Variants in GGA3 observed in about 807,000 individuals in gnomAD.
GGA3 encodes the protein ADP-ribosylation factor-binding protein GGA3.
Under a neutral mutation model 77.5 loss-of-function variants are expected in GGA3, and 57 were observed. The observed-to-expected ratio is 0.74, with a 90% CI of 0.59 to 0.92. The LOEUF (loss-of-function observed/expected upper bound fraction) is 0.92, where lower values mean the gene tolerates loss of function less well. Among genes scored for constraint, GGA3 ranks in the 40% least tolerant of loss-of-function variants. The pLI, the probability that GGA3 is intolerant of heterozygous loss-of-function variation, is 0.00. For synonymous variants in GGA3, 416 were observed against 383.7 expected (o/e 1.08, Z -0.98); for missense variants, 970 against 914.9 (o/e 1.06, Z -0.78).
At chr17:75,252,208 G>C (rs1279865416) in intron 1 of GGA3, among the ~76,000 whole-genome samples, 1 of 151,910 alleles carries the variant, frequency 6.6e-6, no homozygotes, top group East Asian at 1.9e-4. Context: ...CTCCTGAGTA[G>C]CTGGGACCAC....
rs974177152 is a variant in GGA3 at position 75,238,023 on chromosome 17, CAG to C, written c.*254_*255del. 1.4e-5 allele frequency: 18 copies of C among 1,280,938 alleles called. No homozygotes were observed. The highest frequency in any genetic ancestry group is 1.5e-5 in the African/African-American group (1 of 65,638). 79.3% of individuals were successfully genotyped at this position (1,280,938 alleles called of 1,614,324 possible). ...CATGTTCCCGGGACAGCAGTGAAGTCAGGGGCCACTCCGCACCCCTGACAGCA... is the reference window on the plus strand; with the variant it reads ...CATGTTCCCGGGACAGCAGTGAAGTCGGGCCACTCCGCACCCCTGACAGCA... On this transcript the variant is annotated 3_prime_UTR_variant, in exon 17 of 17. Coordinates refer to ENST00000537686, the MANE Select transcript of GGA3 (RefSeq NM_138619.4).
intron 1 of GGA3, among the ~76,000 whole-genome samples, chr17:75,251,773 C>CT (rs112695506): frequency 0.056 from 8,164 of 146,798 alleles, 272 homozygotes; most frequent in Middle Eastern, 0.13. Context: ...TTTCTTCTTC[C>CT]TTTTTTTTTC....
Position 75,242,865 on chromosome 17 carries a change from T to G in GGA3, c.575A>C (p.Glu192Ala). 1 of 1,614,060 alleles carries G rather than the reference T, an allele frequency of 6.2e-7. No homozygotes were observed. The highest frequency in any genetic ancestry group is 8.5e-7 in the Non-Finnish European group (1 of 1,179,904). ...LKSKNPDDLQ[E>A]ANKLIKSMVK... is the part of the protein sequence containing the mutation. ...CATGGACTTGATGAGCTTGTTGGCC[T>G]CCTGCAGGTCATCTGGGTTTTTGCT... Residue 192 changes from glutamate to alanine, a missense_variant, in exon 7 of 17, where the codon GAG (glutamate) becomes GCG (alanine). Transcript: ENST00000537686.
chr17:75,253,333 C>T (rs916662483), intron 1 of GGA3, among the ~76,000 whole-genome samples: 4 of 152,188 alleles, frequency 2.6e-5, no homozygotes, highest in East Asian at 1.9e-4. Flanking sequence ...AAACGAGACA[C>T]GTTTTATCCG....
Position 75,246,772 on chromosome 17 carries a change from C to T in GGA3, c.65G>A (p.Arg22His), listed in dbSNP as rs748411174. ...AATTATGTATTCCCAGTCCTCCTGGCGGTTGGAAGGATTGGTGGCTTTATC... is the reference window on the plus strand; with the variant it reads ...AATTATGTATTCCCAGTCCTCCTGGTGGTTGGAAGGATTGGTGGCTTTATC... Reference protein sequence around the residue: ...WLNKATNPSNRQEDWEYIIGF... With the variant: ...WLNKATNPSNHQEDWEYIIGF... The change falls in exon 2 of 17, where the codon CGC (arginine) becomes CAC (histidine). Residue 22 changes from arginine (R) to histidine (H), a missense_variant. Coordinates refer to ENST00000537686, the MANE Select transcript of GGA3 (RefSeq NM_138619.4). The T allele has an allele frequency of 1.6e-5, 26 of 1,612,964 alleles. No individual in the cohort carries two copies. Among genetic ancestry groups the T allele is most frequent in the East Asian group, 1.3e-4 (6 of 44,890 alleles).
intron 1 of GGA3, among the ~76,000 whole-genome samples, chr17:75,260,941 C>G (rs2077343780): frequency 6.6e-6 from 1 of 152,196 alleles, no homozygotes. Context: ...GAATTCCCGA[C>G]ACCGATTTCA....
In GGA3 at chr17:75,243,180, T is replaced by G; in HGVS notation, c.425-14A>C. ...ACTGCACTATGCCTGAAAGGGGACA[T>G]GGCAGCACGTGCACTCAGGCTGTGG... On this transcript the variant is annotated splice_polypyrimidine_tract_variant and intron_variant, in intron 5 of 16. Coordinates refer to ENST00000537686, the MANE Select transcript of GGA3 (RefSeq NM_138619.4). The G allele has an allele frequency of 3.2e-6, 5 of 1,562,218 alleles. No individual in the cohort carries two copies. Among genetic ancestry groups the G allele is most frequent in the Non-Finnish European group, 4.4e-6 (5 of 1,139,584 alleles).
rs750293219 is a variant in GGA3, at chr17:75,241,467, G to A, written c.879C>T (p.Tyr293=). 1 of 1,614,100 alleles carries A rather than the reference G, an allele frequency of 6.2e-7. No homozygotes were observed. The highest frequency in any genetic ancestry group is 2.2e-5 in the East Asian group (1 of 44,884). The change falls in exon 10 of 17, where the codon TAC becomes TAT. Residue 293 remains tyrosine, a synonymous_variant. Coordinates refer to ENST00000537686, the MANE Select transcript of GGA3 (RefSeq NM_138619.4). ...SDNLSRVINS[Y]KTIIEGQVIN... ...TGACCTGCCCTTCAATAATTGTTTTGTAAGAGTTGATGACCCGGGAGAGGT... is the reference window on the plus strand; with the variant it reads ...TGACCTGCCCTTCAATAATTGTTTTATAAGAGTTGATGACCCGGGAGAGGT...
At position 75,237,626 on chromosome 17, in the gene GGA3, C is replaced by A. The variant is rs1210192578; in HGVS notation, c.*653G>T. Reference sequence around the variant, plus strand: ...AAATTCCATGTCCTGCCAAGATGTCCATAGGACACAGCCTGCCACTGCCAG... The same window carrying A: ...AAATTCCATGTCCTGCCAAGATGTCAATAGGACACAGCCTGCCACTGCCAG... On this transcript the variant is annotated 3_prime_UTR_variant, in exon 17 of 17. Transcript: ENST00000537686. 3 of 1,520,594 alleles carry A rather than the reference C, an allele frequency of 2.0e-6. No homozygotes were observed. Among genetic ancestry groups the A allele is most frequent in the Non-Finnish European group, 2.6e-6 (3 of 1,138,160 alleles). The allele number at this position is 1,520,594 out of a possible 1,614,324, so 94.2% of individuals were successfully genotyped here.
intron 11 of GGA3, 122 bp from the exon 12 acceptor site, chr17:75,240,534 T>C (rs1456424929): frequency 7.2e-6 from 5 of 697,836 alleles, no homozygotes; most frequent in Non-Finnish European, 1.2e-5. Flanking sequence ...CGGGAGAAGC[T>C]GTTCTGCAGG....
At chr17:75,238,842 C>T in intron 15 of GGA3, 72 bp downstream of exon 15, 1 of 1,578,952 alleles carries the variant, frequency 6.3e-7, no homozygotes, top group South Asian at 1.1e-5. Flanking sequence ...ACACTGCCAC[C>T]TGCTGGCTGC....
chr17:75,246,416 G>T, intron 3 of GGA3, 93 bp downstream of exon 3: 1 of 813,506 alleles, frequency 1.2e-6, no homozygotes. Flanking sequence ...GTTGGCTTTT[G>T]GCAGGAGCCC....
intron 12 of GGA3, 35 bp from the exon 13 acceptor site, chr17:75,240,143 G>A (rs1244259058): frequency 1.3e-5 from 17 of 1,327,960 alleles, no homozygotes; most frequent in African/African-American, 7.3e-5. Context: ...AGCCGAGGGC[G>A]GGTGGGGAGG....
intron 1 of GGA3, among the ~76,000 whole-genome samples, chr17:75,255,714 T>C (rs1325120109): frequency 2.0e-5 from 3 of 152,240 alleles, no homozygotes; most frequent in Non-Finnish European, 2.9e-5. Flanking sequence ...TCAGGATCTA[T>C]GCCTTATCAA....
chr17:75,259,140 G>C (rs1405953701), intron 1 of GGA3, among the ~76,000 whole-genome samples: 1 of 151,862 alleles, frequency 6.6e-6, no homozygotes, highest in African/African-American at 2.4e-5. Flanking sequence ...TTTTTTAGTA[G>C]AGACGGGGTT....
At chr17:75,245,522 T>C (rs2076723922) in intron 3 of GGA3, among the ~76,000 whole-genome samples, 1 of 151,844 alleles carries the variant, frequency 6.6e-6, no homozygotes, top group Non-Finnish European at 1.5e-5. Flanking sequence ...TGGGTTTTGT[T>C]ACGTTTTTTT....
intron 4 of GGA3, chr17:75,244,265 G>A (rs1394008298): frequency 2.1e-5 from 5 of 233,874 alleles, no homozygotes; most frequent in African/African-American, 6.9e-5. Flanking sequence ...GAGCAATGAC[G>A]GAGGCCAGCT....
In GGA3 at chr17:75,243,172, A is replaced by C; in HGVS notation, c.425-6T>G. The C allele has an allele frequency of 6.3e-7, 1 of 1,595,204 alleles. No homozygotes were observed. Among genetic ancestry groups the C allele is most frequent in the Non-Finnish European group, 8.6e-7 (1 of 1,167,114 alleles). On this transcript the variant is annotated splice_polypyrimidine_tract_variant and splice_region_variant and intron_variant, in intron 5 of 16. Transcript: ENST00000537686. ...TGGGTCAGACTGCACTATGCCTGAA[A>C]GGGGACATGGCAGCACGTGCACTCA...
rs1162254964 is a variant in GGA3, at chr17:75,241,648, C to A, written c.796G>T (p.Ala266Ser). 1 of 1,613,990 alleles carries A rather than the reference C, an allele frequency of 6.2e-7. No homozygotes were observed. Among genetic ancestry groups the A allele is most frequent in the East Asian group, 2.2e-5 (1 of 44,894 alleles). ...ENKRRTLFKL[A>S]SETEDNDNSL... is the part of the protein sequence containing the mutation. ...TTATCATTGTCCTCAGTCTCACTGG[C>A]GAGTTTAAATAAAGTCCGCCTCTTG... The change falls in exon 9 of 17, where the codon GCC (alanine) becomes TCC (serine). Residue 266 changes from alanine to serine, a missense_variant. Transcript: ENST00000537686.
Sources: gnomAD v4.1 joint callset for allele counts (sites outside exome capture counted in the v4.1 genomes callset) on GRCh38, gnomAD v4.1.1 for gene constraint, MANE v1.5 for transcripts, NCBI Gene and HGNC (gene_info 2026-07-23, HGNC 2026-07-21) for gene names.